Variants in P2RY8 observed in about 807,000 individuals in gnomAD.
P2RY8 encodes S-geranylgeranyl-glutathione receptor P2RY8.
P2RY8 carries 6 observed loss-of-function variants against 10.0 expected under a neutral mutation model. That is an observed-to-expected ratio of 0.60 (90% CI 0.33 to 1.19). The LOEUF (loss-of-function observed/expected upper bound fraction) is 1.19. Ranked by LOEUF, P2RY8 falls within the 50% of genes most tolerant of loss-of-function variation. The probability of loss-of-function intolerance (pLI) is 0.04; values close to 1 mark genes in which losing one functional copy is unlikely to be tolerated. For missense variants in P2RY8, 456 were observed against 542.0 expected (o/e 0.84, Z 1.58); for synonymous variants, 276 against 252.5 (o/e 1.09, Z -0.88).
intron 1 of P2RY8, among the ~76,000 whole-genome samples, chrX:1,509,515 T>C (rs761687625): frequency 1.6e-5 from 2 of 127,968 alleles, no homozygotes; most frequent in African/African-American, 3.4e-5. Flanking sequence ...ATCCATCCAT[T>C]CATCCATCCA....
At position 1,466,051 on chromosome X, in the gene P2RY8, G is replaced by A; in HGVS notation, c.508C>T (p.Leu170=). ...RTDLTYPVHA[L]GIITCFDVLK... is the part of the protein sequence containing the mutation. ...ACGTCGAAGCAGGTGATGATGCCCA[G>A]GGCGTGCACCGGGTAGGTGAGATCG... Residue 170 remains leucine (L), a synonymous_variant, in exon 2 of 2, where the codon CTG becomes TTG. Transcript: ENST00000381297. 6.2e-7 allele frequency: 1 copy of A among 1,611,850 alleles called. No individual in the cohort carries two copies. Among genetic ancestry groups the A allele is most frequent in the Non-Finnish European group, 8.5e-7 (1 of 1,179,776 alleles).
Position 1,501,888 on chromosome X carries a change from C to T in P2RY8, c.-25+35033G>A, listed in dbSNP as rs549477850. 8.3e-4 allele frequency among the ~76,000 whole-genome samples: 124 copies of T among 149,818 alleles called. 2 individuals are homozygous for T. The highest frequency in any genetic ancestry group is 3.0e-3 in the African/African-American group (121 of 40,650). On this transcript the variant is annotated intron_variant, in intron 1 of 1. Coordinates refer to ENST00000381297, the MANE Select transcript of P2RY8 (RefSeq NM_178129.5). ...GATTACAGGCATGAGCCACCACGCCCGGCGAGTTTTCATTTTTATTGATTA... is the reference window on the plus strand; with the variant it reads ...GATTACAGGCATGAGCCACCACGCCTGGCGAGTTTTCATTTTTATTGATTA...
chrX:1,522,716 A>G (rs1424799387), intron 1 of P2RY8, among the ~76,000 whole-genome samples: 1 of 151,866 alleles, frequency 6.6e-6, no homozygotes, highest in Non-Finnish European at 1.5e-5. Context: ...GGCTGCAGTG[A>G]GCTATGATGA....
At chrX:1,496,963 A>T (rs1453858077) in intron 1 of P2RY8, among the ~76,000 whole-genome samples, 2 of 150,850 alleles carry the variant, frequency 1.3e-5, no homozygotes, top group Non-Finnish European at 2.9e-5. Context: ...TCACGCCTGT[A>T]ATCCCAGCAC....
At chrX:1,530,864 T>A (rs1300085216) in intron 1 of P2RY8, among the ~76,000 whole-genome samples, 3 of 147,118 alleles carry the variant, frequency 2.0e-5, no homozygotes, top group African/African-American at 4.9e-5. Flanking sequence ...GTATGTATTG[T>A]CTATTCTATC....
intron 1 of P2RY8, among the ~76,000 whole-genome samples, chrX:1,514,672 T>C (rs1429868101): frequency 1.6e-3 from 1 of 622 alleles, no homozygotes; most frequent in African/African-American, 1.8e-3. Context: ...TTCCCTTCCC[T>C]TCCTTTCCCT....
intron 1 of P2RY8, among the ~76,000 whole-genome samples, chrX:1,493,412 AGGAAGGAGGAAGG>A (rs2092080089): frequency 2.6e-4 from 2 of 7,560 alleles, no homozygotes; most frequent in Non-Finnish European, 4.4e-4. Flanking sequence ...AGGAAGGAGG[AGGAAGGAGGAAGG>A]AGGAGGGAGG....
At chrX:1,497,241 A>AAAAG in intron 1 of P2RY8, among the ~76,000 whole-genome samples, 1 of 145,638 alleles carries the variant, frequency 6.9e-6, no homozygotes, top group African/African-American at 2.5e-5. Context: ...AAAAAAGAAA[A>AAAAG]GAAAAAGAAA....
At chrX:1,485,449 GC>G (rs1346929890) in intron 1 of P2RY8, among the ~76,000 whole-genome samples, 1 of 151,898 alleles carries the variant, frequency 6.6e-6, no homozygotes, top group Non-Finnish European at 1.5e-5. Flanking sequence ...CCTTAATGAT[GC>G]CTTACTGTAA....
intron 1 of P2RY8, among the ~76,000 whole-genome samples, chrX:1,492,830 G>A (rs1386317608): frequency 3.9e-5 from 6 of 152,042 alleles, no homozygotes; most frequent in Admixed American, 3.3e-4. Flanking sequence ...TTCAAAGGCA[G>A]TCACGTATCA....
intron 1 of P2RY8, among the ~76,000 whole-genome samples, chrX:1,484,933 C>A (rs1360265504): frequency 6.8e-6 from 1 of 147,488 alleles, no homozygotes; most frequent in Non-Finnish European, 1.5e-5. Context: ...CAAATAAAGA[C>A]AGGTGGAGAA....
At chrX:1,472,352 A>G (rs2091798344) in intron 1 of P2RY8, among the ~76,000 whole-genome samples, 1 of 150,980 alleles carries the variant, frequency 6.6e-6, no homozygotes, top group Admixed American at 6.6e-5. Flanking sequence ...GGATGGGTAG[A>G]TGGATGAATA....
chrX:1,490,600 C>T (rs1347597826), intron 1 of P2RY8, among the ~76,000 whole-genome samples: 1 of 146,436 alleles, frequency 6.8e-6, no homozygotes, highest in South Asian at 2.2e-4. Context: ...ATATTCCCTG[C>T]AAATGTGGGG....
chrX:1,498,730 CTGAACTCCTGATCT>C (rs1337850070), intron 1 of P2RY8, among the ~76,000 whole-genome samples: 1 of 151,646 alleles, frequency 6.6e-6, no homozygotes, highest in Non-Finnish European at 1.5e-5. Flanking sequence ...GTTGCACAGG[CTGAACTCCTGATCT>C]TGAACTCCTG....
chrX:1,532,362 C>T (rs1402468689), intron 1 of P2RY8, among the ~76,000 whole-genome samples: 2 of 148,684 alleles, frequency 1.3e-5, no homozygotes, highest in Non-Finnish European at 3.0e-5. Flanking sequence ...TGTATATATA[C>T]ACATATACGT....
In P2RY8 at chrX:1,467,303, C is replaced by A. The variant is rs1377564483; in HGVS notation, c.-24-721G>T. 3.9e-5 allele frequency among the ~76,000 whole-genome samples: 6 copies of A among 152,178 alleles called. 1 individual carries two copies. The highest frequency in any genetic ancestry group is 8.8e-5 in the Non-Finnish European group (6 of 68,034). ...TCTTTCTTCCTCCAGAGGAGACCTG[C>A]GACTTCTTACCAACTGCTCTACAAA... On this transcript the variant is annotated intron_variant, in intron 1 of 1. Transcript: ENST00000381297.
At chrX:1,500,513 C>T (rs1419620293) in intron 1 of P2RY8, among the ~76,000 whole-genome samples, 1 of 151,056 alleles carries the variant, frequency 6.6e-6, no homozygotes, top group Non-Finnish European at 1.5e-5. Context: ...GGTGTGATCT[C>T]GGCTCACTGC....
intron 1 of P2RY8, among the ~76,000 whole-genome samples, chrX:1,524,177 T>C (rs1166012837): frequency 1.3e-5 from 2 of 152,142 alleles, no homozygotes; most frequent in Non-Finnish European, 2.9e-5. Context: ...GTACTCAGGG[T>C]TGTTTCAAGA....
intron 1 of P2RY8, among the ~76,000 whole-genome samples, chrX:1,512,006 C>G (rs1453034902): frequency 6.6e-6 from 1 of 152,030 alleles, no homozygotes; most frequent in Non-Finnish European, 1.5e-5. Context: ...CCTTTTTTTC[C>G]TAGCTCCTTG....
Sources: gnomAD v4.1 joint callset for allele counts (sites outside exome capture counted in the v4.1 genomes callset) on GRCh38, gnomAD v4.1.1 for gene constraint, MANE v1.5 for transcripts, NCBI Gene and HGNC (gene_info 2026-07-23, HGNC 2026-07-21) for gene names.